The following IQCM variants were observed in gnomAD, a reference collection of about 807,000 sequenced individuals.
The protein encoded by IQCM is IQ motif containing M, also known as IQ domain-containing protein M.
In IQCM, 45 loss-of-function variants were observed where a neutral mutation model predicts 57.6. The observed-to-expected ratio is 0.78, with a 90% CI of 0.62 to 1.00. The LOEUF is 1.00. IQCM is among the 50% of genes least tolerant of loss of function. IQCM has a pLI of 0.00. For synonymous variants in IQCM, 148 were observed against 158.9 expected (o/e 0.93, Z 0.51); for missense variants, 468 against 511.6 (o/e 0.91, Z 0.82).
At chr4:149,761,692 A>T (rs1769531609) in intron 2 of IQCM, among the ~76,000 whole-genome samples, 1 of 152,102 alleles carries the variant, frequency 6.6e-6, no homozygotes, top group South Asian at 2.1e-4. Flanking sequence ...TATCCCTCAT[A>T]GTTCCTACGA....
intron 8 of IQCM, among the ~76,000 whole-genome samples, chr4:149,614,980 T>C (rs1579709188): frequency 6.6e-6 from 1 of 152,198 alleles, no homozygotes; most frequent in South Asian, 2.1e-4. Context: ...ATTACAGTTA[T>C]TTCACTCTCT....
At chr4:149,591,083 T>C (rs1390007410) in intron 8 of IQCM, among the ~76,000 whole-genome samples, 1 of 152,082 alleles carries the variant, frequency 6.6e-6, no homozygotes, top group African/African-American at 2.4e-5. Flanking sequence ...CCTAAATAGA[T>C]GTATTGAAAA....
At chr4:149,405,706 T>C (rs969520049) in intron 13 of IQCM, among the ~76,000 whole-genome samples, 4 of 151,650 alleles carry the variant, frequency 2.6e-5, no homozygotes, top group South Asian at 2.1e-4. Context: ...TCTGAAATGA[T>C]GTGCAGGACA....
At chr4:149,572,195 CT>C (rs1312485240) in intron 9 of IQCM, among the ~76,000 whole-genome samples, 1 of 151,988 alleles carries the variant, frequency 6.6e-6, no homozygotes, top group East Asian at 1.9e-4. Flanking sequence ...AAGGGACTGG[CT>C]TCCTTCACAT....
At chr4:149,798,337 A>G (rs972665487) in intron 2 of IQCM, among the ~76,000 whole-genome samples, 1 of 152,074 alleles carries the variant, frequency 6.6e-6, no homozygotes, top group Non-Finnish European at 1.5e-5. Context: ...CAAAAAGCAT[A>G]CAATGAATAC....
At chr4:149,620,130 C>T (rs919858186) in intron 8 of IQCM, among the ~76,000 whole-genome samples, 2 of 151,768 alleles carry the variant, frequency 1.3e-5, no homozygotes, top group African/African-American at 4.8e-5. Context: ...ACACTCTAGC[C>T]TGAGCAACAG....
At position 149,557,936 on chromosome 4, in the gene IQCM, A is replaced by G. The variant is rs563382954; in HGVS notation, c.949-4649T>C. Among the ~76,000 whole-genome samples, 426 of 152,288 alleles carry G rather than the reference A, an allele frequency of 2.8e-3. 1 individual carries two copies. Among genetic ancestry groups the G allele is most frequent in the South Asian group, 8.3e-3 (40 of 4,824 alleles). ...CTTCTCTAAACTTCGTAGTGCCTCA[A>G]TTTATCTACTGCAGATGTTTTCACT... is the stretch of plus-strand genomic sequence containing the variant. On this transcript the variant is annotated intron_variant, in intron 10 of 13. Coordinates refer to ENST00000636793, the MANE Select transcript of IQCM (RefSeq NM_001363507.2).
chr4:149,704,885 A>G (rs1328233358), intron 5 of IQCM, among the ~76,000 whole-genome samples: 2 of 151,854 alleles, frequency 1.3e-5, no homozygotes, highest in Non-Finnish European at 1.5e-5. Context: ...AAAAAGGCAG[A>G]AGAAGGGCAA....
intron 12 of IQCM, among the ~76,000 whole-genome samples, chr4:149,450,204 C>G (rs1032772577): frequency 6.6e-6 from 1 of 151,728 alleles, no homozygotes; most frequent in Non-Finnish European, 1.5e-5. Context: ...ATACAAAAAT[C>G]AAATCTAAAT....
intron 2 of IQCM, among the ~76,000 whole-genome samples, chr4:149,804,381 A>T (rs1468932430): frequency 6.6e-6 from 1 of 151,978 alleles, no homozygotes; most frequent in Non-Finnish European, 1.5e-5. Context: ...TCAGTAGTCA[A>T]TTACCCTTTA....
Position 149,382,319 on chromosome 4 carries a change from C to T in IQCM, c.1391-30253G>A, listed in dbSNP as rs1578866028. Among the ~76,000 whole-genome samples the T allele has an allele frequency of 2.0e-5, 3 of 152,184 alleles. No homozygotes were observed. In the South Asian group the frequency reaches 6.2e-4, roughly 32 times the overall value. ...GCTGAATTATACAAACTATTTGTCTCCACTGCCCTATTTCAGTGGAATATT... is the reference window on the plus strand; with the variant it reads ...GCTGAATTATACAAACTATTTGTCTTCACTGCCCTATTTCAGTGGAATATT... On this transcript the variant is annotated intron_variant, in intron 13 of 13. Transcript: ENST00000636793.
Position 149,556,668 on chromosome 4 carries a change from A to T in IQCM, c.949-3381T>A, listed in dbSNP as rs1415517914. ...ATACACAGTGAAATAAAAATTGAACATTCTAAATAGTTATCTCGATCGCAT... is the reference window on the plus strand; with the variant it reads ...ATACACAGTGAAATAAAAATTGAACTTTCTAAATAGTTATCTCGATCGCAT... On this transcript the variant is annotated intron_variant, in intron 10 of 13. Coordinates refer to ENST00000636793, the MANE Select transcript of IQCM (RefSeq NM_001363507.2). Among the ~76,000 whole-genome samples the T allele has an allele frequency of 2.0e-5, 3 of 152,244 alleles. No individual in the cohort carries two copies. In the East Asian group the frequency reaches 5.8e-4, roughly 29 times the overall value.
chr4:149,682,020 T>C (rs1579981404), intron 7 of IQCM, 98 bp downstream of exon 7: 1 of 446,300 alleles, frequency 2.2e-6, no homozygotes, highest in Non-Finnish European at 3.7e-6. Context: ...ATAAAGGAAA[T>C]AACTCTGTTC....
chr4:149,702,937 T>A (rs902093529), intron 5 of IQCM, among the ~76,000 whole-genome samples: 4 of 151,928 alleles, frequency 2.6e-5, no homozygotes, highest in African/African-American at 9.7e-5. Flanking sequence ...AAAGGCCTAC[T>A]TGAGTTTCAA....
Position 149,795,663 on chromosome 4 carries a change from C to A in IQCM, c.-49+19648G>T, listed in dbSNP as rs573662165. On this transcript the variant is annotated intron_variant, in intron 2 of 13. Coordinates refer to ENST00000636793, the MANE Select transcript of IQCM (RefSeq NM_001363507.2). The stretch of plus-strand genomic sequence containing the variant: ...CAGAGCTCCTACCTCCAAAAGAGAC[C>A]CCTTCCTTCTGCTTCTGGAGAAGAG... Among the ~76,000 whole-genome samples, 3 of 152,222 alleles carry A rather than the reference C, an allele frequency of 2.0e-5. No individual in the cohort carries two copies. The East Asian group carries it at 5.8e-4, about 30-fold the overall frequency.
At chr4:149,552,577 G>A (rs938983320) in intron 11 of IQCM, among the ~76,000 whole-genome samples, 5 of 151,946 alleles carry the variant, frequency 3.3e-5, no homozygotes, top group South Asian at 2.1e-4. Context: ...TAGTAGGCTC[G>A]GTGTCCATTA....
chr4:149,431,758 C>T (rs1056306263), intron 13 of IQCM, among the ~76,000 whole-genome samples: 18 of 151,962 alleles, frequency 1.2e-4, no homozygotes, highest in African/African-American at 4.3e-4. Flanking sequence ...ACTCTGGCTT[C>T]TTTCACTTAA....
chr4:149,560,159 T>A lies in IQCM; in HGVS notation c.948+3533A>T, dbSNP rs967410026. Among the ~76,000 whole-genome samples the A allele has an allele frequency of 2.6e-5, 4 of 152,342 alleles. No individual in the cohort carries two copies. In the East Asian group the frequency reaches 5.8e-4, roughly 22 times the overall value. ...TGAATAGATTCAGATTTTGTTATTA[T>A]TTCTGTTTTGTTCTTTTGAGATAAT... On this transcript the variant is annotated intron_variant, in intron 10 of 13. Coordinates refer to ENST00000636793, the MANE Select transcript of IQCM (RefSeq NM_001363507.2).
chr4:149,529,778 A>C (rs1579381090), intron 12 of IQCM, among the ~76,000 whole-genome samples: 1 of 152,124 alleles, frequency 6.6e-6, no homozygotes, highest in East Asian at 1.9e-4. Flanking sequence ...TTCCCAGCCA[A>C]TTCTTCATGC....
Sources: allele counts gnomAD v4.1 joint callset (sites outside exome capture counted in the v4.1 genomes callset), GRCh38; gene constraint gnomAD v4.1.1; transcripts MANE v1.5; gene names NCBI Gene and HGNC (gene_info 2026-07-23, HGNC 2026-07-21).